CHD1L: variants seen among roughly 807,000 people sequenced by gnomAD.
CHD1L encodes ATP-dependent chromatin remodeler CHD1L.
Under a neutral mutation model 115.9 loss-of-function variants are expected in CHD1L, and 118 were observed. That is an observed-to-expected ratio of 1.02 (90% confidence interval 0.88 to 1.19). The LOEUF (loss-of-function observed/expected upper bound fraction) is 1.19. Ranked by LOEUF, CHD1L falls within the 50% of genes most tolerant of loss-of-function variation. The pLI, the probability that CHD1L is intolerant of heterozygous loss-of-function variation, is 0.00. For missense variants in CHD1L, 1,179 were observed against 1,065.3 expected, an observed-to-expected ratio of 1.11 and a Z score of -1.49; for synonymous variants, 411 against 387.1, an observed-to-expected ratio of 1.06 and a Z score of -0.72.
At chr1:147,266,527 A>AC (rs1553948428) in intron 8 of CHD1L, among the ~76,000 whole-genome samples, 2 of 152,208 alleles carry the variant, frequency 1.3e-5, no homozygotes. Context: ...GCATGATGAA[A>AC]TCTCACTCTG....
chr1:147,201,424 A>G, the CHD1L span: 1 of 1,614,096 alleles, frequency 6.2e-7, no homozygotes, highest in Admixed American at 1.7e-5. Context: ...GAATTCCTTC[A>G]CATTTCCTTT....
upstream of CHD1L, among the ~76,000 whole-genome samples, chr1:147,238,513 T>C (rs7537703): frequency 0.48 from 72,679 of 152,076 alleles, 18,854 homozygotes; most frequent in East Asian, 0.72. Flanking sequence ...CCAAAGGACA[T>C]ATCCTTTCTG....
At chr1:147,272,751 ATTAT>A (rs1301711687) in intron 12 of CHD1L, among the ~76,000 whole-genome samples, 1 of 152,208 alleles carries the variant, frequency 6.6e-6, no homozygotes, top group Non-Finnish European at 1.5e-5. Flanking sequence ...ACTTTTTAGA[ATTAT>A]TTATGACATC....
chr1:147,200,876 GATGTT>G, the CHD1L span, among the ~76,000 whole-genome samples: 1 of 152,060 alleles, frequency 6.6e-6, no homozygotes, highest in Admixed American at 6.6e-5. Flanking sequence ...TTTTCTCAAA[GATGTT>G]ATGACTGCCC....
chr1:147,256,645 T>C (rs1571726031), intron 5 of CHD1L, 83 bp downstream of exon 5: 1 of 1,332,774 alleles, frequency 7.5e-7, no homozygotes. Context: ...GTACTTTGCC[T>C]CTCCTGGCAT....
chr1:147,288,351 AAG>A (rs1466113095), intron 19 of CHD1L, among the ~76,000 whole-genome samples: 5 of 146,940 alleles, frequency 3.4e-5, no homozygotes, highest in African/African-American at 1.0e-4. Flanking sequence ...AAAAAAGAAA[AAG>A]AGAACTATTG....
the CHD1L span, chr1:147,212,579 A>G: frequency 1.9e-6 from 3 of 1,555,200 alleles, no homozygotes; most frequent in Admixed American, 5.5e-5. Context: ...GGTTTACATG[A>G]TAGATATCAT....
intron 19 of CHD1L, among the ~76,000 whole-genome samples, 194 bp from the exon 20 acceptor site, chr1:147,291,288 G>T (rs782777740): frequency 6.6e-6 from 1 of 152,128 alleles, no homozygotes; most frequent in Non-Finnish European, 1.5e-5. Context: ...TAAATTAGGA[G>T]ATCATAAAAA....
chr1:147,201,315 T>C, the CHD1L span: 2 of 1,614,190 alleles, frequency 1.2e-6, no homozygotes, highest in Admixed American at 3.3e-5. Context: ...TGACGGAATC[T>C]TCCAGAAATG....
At chr1:147,186,257 A>C in the CHD1L span, 4 of 923,322 alleles carry the variant, frequency 4.3e-6, no homozygotes, top group Non-Finnish European at 5.2e-6. Flanking sequence ...GTGAGCCTAG[A>C]AAGTTGAAAG....
chr1:147,202,882 GC>G, the CHD1L span, among the ~76,000 whole-genome samples: 1 of 151,998 alleles, frequency 6.6e-6, no homozygotes, highest in African/African-American at 2.4e-5. Context: ...TGGTCACCAA[GC>G]CTTTTCCCTT....
At chr1:147,233,979 C>T in the CHD1L span, among the ~76,000 whole-genome samples, 2 of 152,154 alleles carry the variant, frequency 1.3e-5, no homozygotes, top group Non-Finnish European at 2.9e-5. Context: ...GGGCCCTCTG[C>T]CTAGGAAAAC....
intron 6 of CHD1L, chr1:147,260,449 T>G (rs1553943405): frequency 6.6e-6 from 1 of 152,198 alleles, no homozygotes; most frequent in African/African-American, 2.4e-5. Flanking sequence ...AAGTACTAAA[T>G]ATGGCCTAAC....
At chr1:147,214,181 G>C in the CHD1L span, among the ~76,000 whole-genome samples, 1 of 152,114 alleles carries the variant, frequency 6.6e-6, no homozygotes, top group Non-Finnish European at 1.5e-5. Flanking sequence ...GCCGGGTGCG[G>C]TGGCTCACGC....
chr1:147,175,202 TA>T, the CHD1L span: 1 of 152,336 alleles, frequency 6.6e-6, no homozygotes, highest in East Asian at 1.9e-4. Context: ...AACATTTACT[TA>T]ATCATGCAGC....
At chr1:147,288,412 A>T (rs587682000) in intron 19 of CHD1L, among the ~76,000 whole-genome samples, 1 of 151,648 alleles carries the variant, frequency 6.6e-6, no homozygotes, top group Admixed American at 6.6e-5. Context: ...ATCTATGGGA[A>T]GCCGGGCGTG....
chr1:147,178,732 C>T, the CHD1L span: 2 of 1,584,112 alleles, frequency 1.3e-6, no homozygotes, highest in Non-Finnish European at 1.7e-6. Context: ...CATCTTATTT[C>T]GTCCTTCACA....
At chr1:147,220,575 A>G in the CHD1L span, among the ~76,000 whole-genome samples, 2 of 152,246 alleles carry the variant, frequency 1.3e-5, no homozygotes, top group East Asian at 3.8e-4. Flanking sequence ...GCAACTTTAC[A>G]GTGTGGCAAA....
chr1:147,179,481 C>G, the CHD1L span: 5 of 1,574,944 alleles, frequency 3.2e-6, no homozygotes, highest in Non-Finnish European at 4.4e-6. Context: ...ATACTTCTCT[C>G]CAGCCAACAA....
Sources: gnomAD v4.1 joint callset for allele counts (sites outside exome capture counted in the v4.1 genomes callset) on GRCh38, gnomAD v4.1.1 for gene constraint, MANE v1.5 for transcripts, NCBI Gene and HGNC (gene_info 2026-07-23, HGNC 2026-07-21) for gene names.